Variants in IKZF2 observed in about 807,000 individuals in gnomAD.
IKZF2 encodes IKAROS family zinc finger 2.
IKZF2 carries 15 observed loss-of-function variants against 49.2 expected under a neutral mutation model. That is an observed-to-expected ratio of 0.30 (90% CI 0.20 to 0.47). The LOEUF is 0.47. IKZF2 is among the 20% of genes least tolerant of loss of function. The probability of loss-of-function intolerance (pLI) is 1.00; values close to 1 mark genes in which losing one functional copy is unlikely to be tolerated. For missense variants in IKZF2, 567 were observed against 664.6 expected, an observed-to-expected ratio of 0.85 and a Z score of 1.61; for synonymous variants, 227 against 221.4, an observed-to-expected ratio of 1.03 and a Z score of -0.23.
rs1274161911 is a variant in IKZF2 at position 213,149,504 on chromosome 2, G to GA, written c.-16+639dup. 2.0e-5 allele frequency among the ~76,000 whole-genome samples: 3 copies of GA among 152,042 alleles called. No homozygotes were observed. The East Asian group carries it at 5.8e-4, about 29-fold the overall frequency. On this transcript the variant is annotated intron_variant, in intron 2 of 8. Transcript: ENST00000434687. Reference sequence around the variant, plus strand: ...CGATAATCTAACTGTATTCTGTGGGGAAAAAAGTTTAAGAATTGACAAGTC... The same window carrying GA: ...CGATAATCTAACTGTATTCTGTGGGGAAAAAAAGTTTAAGAATTGACAAGTC...
At chr2:213,042,836 T>C (rs2125280486) in intron 6 of IKZF2, among the ~76,000 whole-genome samples, 1 of 152,076 alleles carries the variant, frequency 6.6e-6, no homozygotes, top group South Asian at 2.1e-4. Flanking sequence ...AGAAAAGAGC[T>C]TGGCCTTAAA....
At chr2:213,057,469 G>A (rs779451078) in intron 4 of IKZF2, among the ~76,000 whole-genome samples, 4 of 152,174 alleles carry the variant, frequency 2.6e-5, no homozygotes, top group Middle Eastern at 3.4e-3. Context: ...ATTAAATATT[G>A]CTTAACACAC....
chr2:213,135,084 T>C (rs2060609443), intron 4 of IKZF2, among the ~76,000 whole-genome samples: 1 of 152,214 alleles, frequency 6.6e-6, no homozygotes, highest in African/African-American at 2.4e-5. Context: ...AAATAGTTTC[T>C]CTTTAATAGT....
At chr2:213,143,385 G>A (rs2060938796) in intron 4 of IKZF2, among the ~76,000 whole-genome samples, 1 of 151,968 alleles carries the variant, frequency 6.6e-6, no homozygotes, top group Non-Finnish European at 1.5e-5. Context: ...AAGATAGGGA[G>A]TTGGGAGCGG....
intron 4 of IKZF2, among the ~76,000 whole-genome samples, chr2:213,111,221 T>G (rs1219054325): frequency 6.6e-6 from 1 of 152,070 alleles, no homozygotes; most frequent in African/African-American, 2.4e-5. Flanking sequence ...TCACATTTTC[T>G]TCTATTACTT....
intron 4 of IKZF2, among the ~76,000 whole-genome samples, chr2:213,137,298 TTGC>T (rs1366289040): frequency 3.9e-5 from 6 of 152,104 alleles, no homozygotes; most frequent in African/African-American, 2.4e-5. Flanking sequence ...ACACAATCTA[TTGC>T]TGCTTTCAAG....
intron 4 of IKZF2, among the ~76,000 whole-genome samples, chr2:213,095,218 G>C (rs1705833471): frequency 6.6e-6 from 1 of 152,024 alleles, no homozygotes; most frequent in South Asian, 2.1e-4. Context: ...CATATAGATA[G>C]CTTTCTTTTA....
At chr2:213,039,486 AAAC>A (rs1299405807) in intron 6 of IKZF2, among the ~76,000 whole-genome samples, 2 of 152,232 alleles carry the variant, frequency 1.3e-5, no homozygotes, top group East Asian at 3.9e-4. Flanking sequence ...AATTAGACAT[AAAC>A]AACAAACTTC....
chr2:213,059,298 G>C (rs1394567811), intron 4 of IKZF2, among the ~76,000 whole-genome samples: 11 of 151,424 alleles, frequency 7.3e-5, no homozygotes, highest in Admixed American at 7.3e-4. Context: ...CAAACATTTT[G>C]GTTTATCTCT....
intron 4 of IKZF2, among the ~76,000 whole-genome samples, chr2:213,139,237 G>C (rs1382377689): frequency 1.3e-5 from 2 of 151,252 alleles, no homozygotes; most frequent in Non-Finnish European, 3.0e-5. Context: ...GAAGCCAAGG[G>C]GAAAAAAAAA....
At chr2:213,016,856 T>C (rs1696663900) in intron 7 of IKZF2, 1 of 152,086 alleles carries the variant, frequency 6.6e-6, no homozygotes, top group African/African-American at 2.4e-5. Context: ...TTAGATCACA[T>C]GTCTAGCTCC....
At chr2:213,057,224 A>T in intron 4 of IKZF2, 125 bp from the exon 5 acceptor site, 1 of 827,214 alleles carries the variant, frequency 1.2e-6, no homozygotes, top group Non-Finnish European at 1.8e-6. Flanking sequence ...AATAGAGTTC[A>T]TCATCGAATG....
chr2:213,068,409 A>C (rs926458174), intron 4 of IKZF2, among the ~76,000 whole-genome samples: 1 of 152,106 alleles, frequency 6.6e-6, no homozygotes, highest in African/African-American at 2.4e-5. Flanking sequence ...CTGTGAAATA[A>C]AGGTAATGCT....
At chr2:213,116,394 G>A (rs571305393) in intron 4 of IKZF2, among the ~76,000 whole-genome samples, 1 of 152,250 alleles carries the variant, frequency 6.6e-6, no homozygotes, top group South Asian at 2.1e-4. Context: ...TGAATTATAT[G>A]CAAAGCACTT....
At chr2:213,026,601 T>G (rs529716299) in intron 6 of IKZF2, among the ~76,000 whole-genome samples, 2 of 152,230 alleles carry the variant, frequency 1.3e-5, no homozygotes, top group African/African-American at 4.8e-5. Context: ...TAATTTCAAA[T>G]GTAAAATATT....
intron 6 of IKZF2, among the ~76,000 whole-genome samples, chr2:213,049,044 C>G (rs544686545): frequency 6.6e-6 from 1 of 152,044 alleles, no homozygotes; most frequent in Non-Finnish European, 1.5e-5. Context: ...TCATTCTTTT[C>G]TCTTTTATGT....
intron 4 of IKZF2, among the ~76,000 whole-genome samples, chr2:213,071,726 C>T (rs1702726330): frequency 1.3e-5 from 2 of 152,042 alleles, no homozygotes; most frequent in African/African-American, 2.4e-5. Context: ...GTAGCCCTAC[C>T]ATATATCCCT....
chr2:213,010,516 T>C (rs186024652), intron 8 of IKZF2, among the ~76,000 whole-genome samples: 36 of 152,234 alleles, frequency 2.4e-4, no homozygotes, highest in Non-Finnish European at 4.9e-4. Context: ...GTTCTGAGCC[T>C]GCTTCTAGGG....
At chr2:213,030,848 C>T (rs1391387536) in intron 6 of IKZF2, among the ~76,000 whole-genome samples, 3 of 142,864 alleles carry the variant, frequency 2.1e-5, no homozygotes, top group African/African-American at 8.0e-5. Context: ...GATGGAGTCT[C>T]GCTCTGTCGC....
Sources: allele counts gnomAD v4.1 joint callset (sites outside exome capture counted in the v4.1 genomes callset), GRCh38; gene constraint gnomAD v4.1.1; transcripts MANE v1.5; gene names NCBI Gene and HGNC (gene_info 2026-07-23, HGNC 2026-07-21).